The following STK32B variants were observed in gnomAD, a reference collection of about 807,000 sequenced individuals.
STK32B encodes serine/threonine kinase 32B, also known as serine/threonine-protein kinase 32B.
Under a neutral mutation model 52.6 loss-of-function variants are expected in STK32B, and 43 were observed. The ratio of observed to expected loss-of-function variants is 0.82; its 90% CI spans 0.64 to 1.05. The LOEUF (loss-of-function observed/expected upper bound fraction) is 1.05, where lower values mean the gene tolerates loss of function less well. Among genes scored for constraint, STK32B ranks in the 50% least tolerant of loss-of-function variants. The probability of loss-of-function intolerance (pLI) is 0.00; values close to 1 mark genes in which losing one functional copy is unlikely to be tolerated. For synonymous variants in STK32B, 238 were observed against 204.3 expected, an observed-to-expected ratio of 1.17 and a Z score of -1.41; for missense variants, 621 against 534.6, an observed-to-expected ratio of 1.16 and a Z score of -1.59.
intron 3 of STK32B, among the ~76,000 whole-genome samples, chr4:5,327,752 G>A (rs930252045): frequency 6.6e-6 from 1 of 152,180 alleles, no homozygotes; most frequent in African/African-American, 2.4e-5. Flanking sequence ...AAAGTGACCA[G>A]CTGCTAAAAC....
At chr4:5,220,999 GTATC>G (rs1256632800) in intron 3 of STK32B, among the ~76,000 whole-genome samples, 1 of 152,164 alleles carries the variant, frequency 6.6e-6, no homozygotes. Flanking sequence ...GAGTGATTGA[GTATC>G]TAACATAACT....
At chr4:5,286,881 T>A (rs529393316) in intron 3 of STK32B, among the ~76,000 whole-genome samples, 1 of 143,702 alleles carries the variant, frequency 7.0e-6, no homozygotes, top group South Asian at 2.2e-4. Context: ...CACTGCAACC[T>A]CTGCCTTCCA....
chr4:5,167,781 C>G (rs1218562614), intron 2 of STK32B, among the ~76,000 whole-genome samples: 2 of 152,148 alleles, frequency 1.3e-5, no homozygotes, highest in East Asian at 1.9e-4. Flanking sequence ...CTTGGCTGGT[C>G]TGCTACATGG....
At chr4:5,091,339 G>A (rs1279308615) in intron 1 of STK32B, among the ~76,000 whole-genome samples, 1 of 151,890 alleles carries the variant, frequency 6.6e-6, no homozygotes, top group Non-Finnish European at 1.5e-5. Context: ...ATTTGATAAG[G>A]ACCTAATAAA....
At chr4:5,268,294 T>C (rs1727180604) in intron 3 of STK32B, among the ~76,000 whole-genome samples, 1 of 152,194 alleles carries the variant, frequency 6.6e-6, no homozygotes, top group Non-Finnish European at 1.5e-5. Context: ...CACTCTGGCC[T>C]CATTATATAC....
intron 7 of STK32B, among the ~76,000 whole-genome samples, chr4:5,450,383 C>T (rs1214962772): frequency 6.6e-6 from 1 of 152,156 alleles, no homozygotes; most frequent in Non-Finnish European, 1.5e-5. Context: ...CACCCATTGT[C>T]CCAACAAACC....
intron 4 of STK32B, among the ~76,000 whole-genome samples, chr4:5,349,030 G>T (rs1322313883): frequency 6.6e-6 from 1 of 152,156 alleles, no homozygotes; most frequent in South Asian, 2.1e-4. Flanking sequence ...AGCATGGACT[G>T]CTTGGGTTCC....
chr4:5,145,171 A>G (rs923327967), intron 2 of STK32B, among the ~76,000 whole-genome samples: 4 of 152,244 alleles, frequency 2.6e-5, no homozygotes, highest in Non-Finnish European at 5.9e-5. Context: ...AGAATTTTAC[A>G]TTAAGCACCA....
chr4:5,117,251 A>G (rs1288934281), intron 1 of STK32B, among the ~76,000 whole-genome samples: 2 of 152,196 alleles, frequency 1.3e-5, no homozygotes, highest in African/African-American at 4.8e-5. Context: ...GCTTTTCATC[A>G]TTGGGTATGA....
At chr4:5,078,238 A>T (rs1041674589) in intron 1 of STK32B, among the ~76,000 whole-genome samples, 1 of 152,168 alleles carries the variant, frequency 6.6e-6, no homozygotes, top group South Asian at 2.1e-4. Context: ...CACACCCTGG[A>T]CCAATCACTG....
intron 11 of STK32B, among the ~76,000 whole-genome samples, chr4:5,487,005 T>C (rs911303850): frequency 6.6e-6 from 1 of 152,226 alleles, no homozygotes; most frequent in Non-Finnish European, 1.5e-5. Flanking sequence ...TGTATTTCAG[T>C]TGGGTATGAC....
chr4:5,492,314 C>G (rs563884362), intron 11 of STK32B, among the ~76,000 whole-genome samples: 1 of 152,016 alleles, frequency 6.6e-6, no homozygotes. Context: ...AAGTTGGATT[C>G]CTAGGTATTT....
intron 1 of STK32B, among the ~76,000 whole-genome samples, chr4:5,108,606 G>C (rs1232158829): frequency 1.3e-5 from 2 of 152,106 alleles, no homozygotes; most frequent in African/African-American, 4.8e-5. Flanking sequence ...ATTTATTTGT[G>C]GCAATATAGT....
At position 5,467,434 on chromosome 4, in the gene STK32B, TTC is replaced by T. The variant is rs1300297858; in HGVS notation, c.1042-568_1042-567del. On this transcript the variant is annotated intron_variant, in intron 10 of 11. Coordinates refer to ENST00000282908, the MANE Select transcript of STK32B (RefSeq NM_018401.3). This position sits in a 1 kb window ranked among gnomAD's most constrained non-coding sequence, Gnocchi z 5.8. ...CTCCCTCCGTCACTGCATGGCCTTA[TTC>T]TCTGTGTCTTCGCATGTCTTCATAT... Among the ~76,000 whole-genome samples, 2 of 152,176 alleles carry T rather than the reference TTC, an allele frequency of 1.3e-5. No homozygotes were observed. Among genetic ancestry groups the T allele is most frequent in the Admixed American group, 1.3e-4 (2 of 15,282 alleles).
At position 5,058,128 on chromosome 4, in the gene STK32B, C is replaced by T. The variant is rs189450906; in HGVS notation, c.52+6213C>T. 2.9e-4 allele frequency among the ~76,000 whole-genome samples: 44 copies of T among 152,290 alleles called. No individual in the cohort carries two copies. Among genetic ancestry groups the T allele is most frequent in the Non-Finnish European group, 3.2e-4 (22 of 68,030 alleles). On this transcript the variant is annotated intron_variant, in intron 1 of 11. Transcript: ENST00000282908. The surrounding 1 kb of genome is among the most constrained non-coding windows in gnomAD (Gnocchi z 4.8). The stretch of plus-strand genomic sequence containing the variant: ...TATGCATTGAAGATTTTGGCCTCTG[C>T]TTCATCTCTCACAAGTGCTCCATCT...
At chr4:5,408,868 G>A (rs556489013) in intron 5 of STK32B, among the ~76,000 whole-genome samples, 44 of 152,244 alleles carry the variant, frequency 2.9e-4, no homozygotes, top group Admixed American at 1.2e-3. Flanking sequence ...AGTGCCATCC[G>A]TGGGCAGCTG....
At chr4:5,488,068 A>C (rs1719384435) in intron 11 of STK32B, among the ~76,000 whole-genome samples, 1 of 152,214 alleles carries the variant, frequency 6.6e-6, no homozygotes, top group Admixed American at 6.5e-5. Context: ...GTACAGAGTT[A>C]CAACCTGATA....
At chr4:5,423,995 G>A (rs1461276671) in intron 6 of STK32B, among the ~76,000 whole-genome samples, 5 of 152,050 alleles carry the variant, frequency 3.3e-5, no homozygotes, top group Admixed American at 6.5e-5. Flanking sequence ...GTGCTCTCAG[G>A]GAAACCCCAC....
At chr4:5,498,338 G>A (rs1041194557) in intron 11 of STK32B, among the ~76,000 whole-genome samples, 89 of 152,280 alleles carry the variant, frequency 5.8e-4, no homozygotes, top group African/African-American at 2.1e-3. Context: ...TGCAATGTTC[G>A]GAATCATACC....
Sources: allele counts gnomAD v4.1 joint callset (sites outside exome capture counted in the v4.1 genomes callset), GRCh38; gene constraint gnomAD v4.1.1; non-coding constraint Gnocchi (gnomAD v3.1); transcripts MANE v1.5; gene names NCBI Gene and HGNC (gene_info 2026-07-23, HGNC 2026-07-21).